ISM1: variants seen among roughly 807,000 people sequenced by gnomAD.
The protein encoded by ISM1 is isthmin-1.
In ISM1, 25 loss-of-function variants were observed where a neutral mutation model predicts 46.3. The observed-to-expected ratio is 0.54, with a 90% CI of 0.39 to 0.75. The LOEUF (loss-of-function observed/expected upper bound fraction) is 0.75. Ranked by LOEUF, ISM1 falls within the 30% of genes least tolerant of loss-of-function variation. The pLI, the probability that ISM1 is intolerant of heterozygous loss-of-function variation, is 0.00. For missense variants in ISM1, 536 were observed against 625.4 expected, an observed-to-expected ratio of 0.86 and a Z score of 1.52; for synonymous variants, 255 against 256.7, an observed-to-expected ratio of 0.99 and a Z score of 0.06.
intron 1 of ISM1, among the ~76,000 whole-genome samples, chr20:13,224,921 C>G (rs2039499209): frequency 6.8e-6 from 1 of 147,230 alleles, no homozygotes; most frequent in African/African-American, 2.5e-5. Flanking sequence ...TCTCTGCTCA[C>G]TGCAACCTCC....
intron 1 of ISM1, among the ~76,000 whole-genome samples, chr20:13,260,603 T>G (rs1378750955): frequency 8.9e-6 from 1 of 111,954 alleles, no homozygotes; most frequent in African/African-American, 3.7e-5. Context: ...TAAAGTGGAG[T>G]TTTTTTTTTT....
chr20:13,317,001 ACTGT>A, the ISM1 span, among the ~76,000 whole-genome samples: 1 of 151,924 alleles, frequency 6.6e-6, no homozygotes, highest in Non-Finnish European at 1.5e-5. Context: ...AAGAAATAAA[ACTGT>A]CTGTTCATGG....
intron 2 of ISM1, among the ~76,000 whole-genome samples, chr20:13,273,026 G>A (rs970490710): frequency 1.2e-4 from 18 of 152,170 alleles, no homozygotes; most frequent in Admixed American, 5.9e-4. Context: ...CTAACGCAAA[G>A]TCATAGGAAA....
rs116180109 is a variant in ISM1 at position 13,295,009 on chromosome 20, T to G, written c.877+2546T>G. On this transcript the variant is annotated intron_variant, in intron 5 of 5. Coordinates refer to ENST00000262487, the MANE Select transcript of ISM1 (RefSeq NM_080826.2). ...GTTCATAAGACATGCCCAATTTTTC[T>G]CTTCCTCGTTCTATTGATGAGTGCC... Among the ~76,000 whole-genome samples, 379 of 152,252 alleles carry G rather than the reference T, an allele frequency of 2.5e-3. 2 individuals are homozygous for G. The highest frequency in any genetic ancestry group is 3.1e-3 in the Non-Finnish European group (211 of 68,010).
At chr20:13,268,381 TCTCTC>T (rs1263211299) in intron 1 of ISM1, among the ~76,000 whole-genome samples, 4 of 132,872 alleles carry the variant, frequency 3.0e-5, no homozygotes, top group Non-Finnish European at 5.1e-5. Context: ...TCTCTCTCTC[TCTCTC>T]TCTCTCTCTC....
chr20:13,318,861 AG>A, the ISM1 span, among the ~76,000 whole-genome samples: 3 of 152,250 alleles, frequency 2.0e-5, no homozygotes, highest in Non-Finnish European at 4.4e-5. Context: ...AATGGTTGCC[AG>A]GGGTTGAGAA....
At chr20:13,309,832 T>C in the ISM1 span, among the ~76,000 whole-genome samples, 1 of 148,348 alleles carries the variant, frequency 6.7e-6, no homozygotes, top group Non-Finnish European at 1.5e-5. Flanking sequence ...CAAGAAAACA[T>C]TCTCATTTAC....
At chr20:13,280,029 G>C in intron 3 of ISM1, 131 bp downstream of exon 3, 1 of 853,404 alleles carries the variant, frequency 1.2e-6, no homozygotes, top group Non-Finnish European at 1.8e-6. Flanking sequence ...ACCTCACAAA[G>C]GCTGTCTTCC....
At position 13,292,638 on chromosome 20, in the gene ISM1, C is replaced by G. The variant is rs561229555; in HGVS notation, c.877+175C>G. ...ATACTTCAAGCAAGAGAAAACAGTCCTAAGCCTCCTCCACCGGACCGAGCG... is the reference window on the plus strand; with the variant it reads ...ATACTTCAAGCAAGAGAAAACAGTCGTAAGCCTCCTCCACCGGACCGAGCG... On this transcript the variant is annotated intron_variant, in intron 5 of 5. Coordinates refer to ENST00000262487, the MANE Select transcript of ISM1 (RefSeq NM_080826.2). 3.9e-5 allele frequency among the ~76,000 whole-genome samples: 6 copies of G among 152,232 alleles called. No homozygotes were observed. The South Asian group carries it at 8.3e-4, about 21-fold the overall frequency.
intron 1 of ISM1, among the ~76,000 whole-genome samples, chr20:13,269,305 GT>G (rs1268678940): frequency 6.6e-6 from 1 of 152,188 alleles, no homozygotes; most frequent in Non-Finnish European, 1.5e-5. Context: ...AGAAAGGCTG[GT>G]TTGGAAAAGG....
At chr20:13,287,723 T>C (rs150906042) in intron 3 of ISM1, among the ~76,000 whole-genome samples, 1,800 of 152,322 alleles carry the variant, frequency 0.012, 11 homozygotes, top group Admixed American at 0.02. Flanking sequence ...CAAAAAGGGT[T>C]CAATAGGTAT....
In ISM1 at chr20:13,300,082, T is replaced by C. The variant is rs1340603457; in HGVS notation, c.*623T>C. 1 of 152,248 alleles carries C rather than the reference T, an allele frequency of 6.6e-6. No homozygotes were observed. Among genetic ancestry groups the C allele is most frequent in the African/African-American group, 2.4e-5 (1 of 41,456 alleles). 9.4% of individuals were successfully genotyped at this position (152,248 alleles called of 1,614,324 possible). On this transcript the variant is annotated 3_prime_UTR_variant, in exon 6 of 6. Coordinates refer to ENST00000262487, the MANE Select transcript of ISM1 (RefSeq NM_080826.2). The stretch of plus-strand genomic sequence containing the variant: ...GAGGCACCTTGCTGGAGTCTCAGAT[T>C]CCAAAAGTCTCTTCTTCAGACTGGG...
the ISM1 span, among the ~76,000 whole-genome samples, chr20:13,306,752 C>T: frequency 2.0e-5 from 3 of 152,020 alleles, no homozygotes; most frequent in Admixed American, 6.6e-5. Flanking sequence ...TTCAAAAATC[C>T]TCCCTTAGAG....
intron 1 of ISM1, among the ~76,000 whole-genome samples, chr20:13,249,195 G>T (rs147817103): frequency 3.3e-5 from 5 of 152,230 alleles, no homozygotes; most frequent in South Asian, 2.1e-4. Context: ...CGGGAATCAG[G>T]GTTCCTAATG....
chr20:13,298,589 A>G (rs2040428982), intron 5 of ISM1, among the ~76,000 whole-genome samples: 1 of 152,236 alleles, frequency 6.6e-6, no homozygotes, highest in African/African-American at 2.4e-5. Context: ...AAACAAATAT[A>G]ATAATAGTTA....
chr20:13,259,264 G>C (rs1479907833), intron 1 of ISM1, among the ~76,000 whole-genome samples: 1 of 149,536 alleles, frequency 6.7e-6, no homozygotes, highest in Non-Finnish European at 1.5e-5. Context: ...CTGGGCGACA[G>C]AGTGAGACTC....
chr20:13,320,056 G>A, the ISM1 span, among the ~76,000 whole-genome samples: 1 of 152,230 alleles, frequency 6.6e-6, no homozygotes, highest in South Asian at 2.1e-4. Context: ...CCCAAAGTCA[G>A]AAACTGGGGT....
intron 1 of ISM1, among the ~76,000 whole-genome samples, chr20:13,254,510 T>A (rs6074574): frequency 6.6e-6 from 1 of 152,012 alleles, no homozygotes. Context: ...CCTAAACCCC[T>A]GCTGCTCTCT....
chr20:13,312,190 C>G, the ISM1 span, among the ~76,000 whole-genome samples: 1 of 152,010 alleles, frequency 6.6e-6, no homozygotes, highest in Admixed American at 6.6e-5. Flanking sequence ...AACCAAGTAC[C>G]AAAAGTAAGC....
Sources: allele counts gnomAD v4.1 joint callset (sites outside exome capture counted in the v4.1 genomes callset), GRCh38; gene constraint gnomAD v4.1.1; transcripts MANE v1.5; gene names NCBI Gene and HGNC (gene_info 2026-07-23, HGNC 2026-07-21).